Variants in CSMD3 observed in about 807,000 individuals in gnomAD.
The protein encoded by CSMD3 is CUB and sushi domain-containing protein 3.
A neutral mutation model predicts 435.2 loss-of-function variants in CSMD3; 177 were observed. The observed-to-expected ratio is 0.41, with a 90% confidence interval of 0.36 to 0.46. The LOEUF (loss-of-function observed/expected upper bound fraction) is 0.46, where lower values mean the gene tolerates loss of function less well. Among genes scored for constraint, CSMD3 ranks in the 20% least tolerant of loss-of-function variants. The pLI is 0.34. For synonymous variants in CSMD3, 1,656 were observed against 1,520.5 expected (o/e 1.09, Z -2.07); for missense variants, 4,265 against 4,504.6 (o/e 0.95, Z 1.52).
intron 22 of CSMD3, among the ~76,000 whole-genome samples, chr8:112,632,043 T>C (rs2074529452): frequency 6.6e-6 from 1 of 151,980 alleles, no homozygotes; most frequent in South Asian, 2.1e-4. Context: ...AATTTTAGTA[T>C]AGAGAGCTTG....
rs1823980614 is a variant in CSMD3, at chr8:112,330,867, T to A, written c.7165+4462A>T. Among the ~76,000 whole-genome samples the A allele has an allele frequency of 2.0e-5, 3 of 152,026 alleles. No individual in the cohort carries two copies. The South Asian group carries it at 6.2e-4, about 32-fold the overall frequency. ...TGGCACTTAATAAGAATACAATGAA[T>A]TTTAGCTGTTGTTATTGTTGTTTTG... On this transcript the variant is annotated intron_variant, in intron 45 of 70. Coordinates refer to ENST00000297405, the MANE Select transcript of CSMD3 (RefSeq NM_198123.2).
intron 22 of CSMD3, among the ~76,000 whole-genome samples, chr8:112,593,423 A>C (rs1831371809): frequency 6.6e-6 from 1 of 152,216 alleles, no homozygotes; most frequent in Non-Finnish European, 1.5e-5. Flanking sequence ...ATGTGGGGGC[A>C]TGAAAGAGAG....
chr8:112,974,553 T>A (rs538863412), intron 7 of CSMD3, among the ~76,000 whole-genome samples: 30 of 151,966 alleles, frequency 2.0e-4, no homozygotes, highest in Non-Finnish European at 3.8e-4. Flanking sequence ...CTTTATTGAG[T>A]AAATCACAAA....
chr8:112,448,379 C>T (rs574363738), intron 32 of CSMD3, among the ~76,000 whole-genome samples: 10 of 152,274 alleles, frequency 6.6e-5, no homozygotes, highest in Admixed American at 5.2e-4. Context: ...ACAATTCCCA[C>T]TCATAGCAGG....
intron 13 of CSMD3, among the ~76,000 whole-genome samples, chr8:112,756,957 C>T (rs1431742023): frequency 1.3e-5 from 2 of 151,824 alleles, no homozygotes; most frequent in African/African-American, 4.8e-5. Flanking sequence ...TTAGTAGAGA[C>T]GAGGTTTCAC....
intron 6 of CSMD3, among the ~76,000 whole-genome samples, chr8:113,017,025 A>C (rs1014565392): frequency 2.0e-5 from 3 of 151,996 alleles, no homozygotes; most frequent in Non-Finnish European, 2.9e-5. Context: ...TATTTTTATA[A>C]TAAAACTTTC....
At position 112,998,932 on chromosome 8, in the gene CSMD3, C is replaced by T. The variant is rs534419824; in HGVS notation, c.1030+20135G>A. Among the ~76,000 whole-genome samples, 10 of 152,112 alleles carry T rather than the reference C, an allele frequency of 6.6e-5. No homozygotes were observed. The East Asian group carries it at 1.7e-3, about 27-fold the overall frequency. On this transcript the variant is annotated intron_variant, in intron 6 of 70. Transcript: ENST00000297405. ...AAGTTTCCTGAGGCCTCCCCAGCCA[C>T]ACTTTCTGTACAGCCTGCAGAACCA...
At chr8:112,395,793 A>G (rs79399814) in intron 35 of CSMD3, among the ~76,000 whole-genome samples, 2,307 of 152,300 alleles carry the variant, frequency 0.015, 61 homozygotes, top group African/African-American at 0.053. Flanking sequence ...TGCATAGTTT[A>G]AGAAATGTGA....
rs2131803081 is a variant in CSMD3, at chr8:112,685,482, A to G, written c.2406T>C (p.Ser802=). 1 of 1,614,078 alleles carries G rather than the reference A, an allele frequency of 6.2e-7. No homozygotes were observed. The highest frequency in any genetic ancestry group is 8.5e-7 in the Non-Finnish European group (1 of 1,179,964). The change falls in exon 15 of 71, where the codon AGT becomes AGC. Residue 802 remains serine, a synonymous_variant. Coordinates refer to ENST00000297405, the MANE Select transcript of CSMD3 (RefSeq NM_198123.2). ...ATTCCAATCGCAGTATGTGACTATT[A>G]CTAGTAAGATGGGAAGGCACCTCAG... ...TGAEVPSHLT[S]NSHILRLEFQ... is the part of the protein sequence containing the mutation.
intron 28 of CSMD3, among the ~76,000 whole-genome samples, chr8:112,511,050 G>A (rs1287817432): frequency 1.3e-5 from 2 of 152,080 alleles, no homozygotes; most frequent in Non-Finnish European, 1.5e-5. Context: ...ACAGGCATAC[G>A]TTAGGGATAT....
chr8:112,234,940 T>C (rs1813431458), intron 67 of CSMD3, among the ~76,000 whole-genome samples: 1 of 152,180 alleles, frequency 6.6e-6, no homozygotes, highest in Admixed American at 6.5e-5. Flanking sequence ...TTCCTGTTTT[T>C]AATAATTTCC....
chr8:112,965,004 GA>G (rs2084365337), intron 7 of CSMD3, among the ~76,000 whole-genome samples: 1 of 152,034 alleles, frequency 6.6e-6, no homozygotes, highest in South Asian at 2.1e-4. Flanking sequence ...ATATGCTCTA[GA>G]AAACTACATG....
chr8:112,701,645 C>A (rs1375765430), intron 13 of CSMD3, among the ~76,000 whole-genome samples: 2 of 152,146 alleles, frequency 1.3e-5, no homozygotes, highest in Non-Finnish European at 2.9e-5. Context: ...CAAAGTTCCA[C>A]CCCTGCACAC....
At chr8:113,024,026 C>A (rs972010773) in intron 5 of CSMD3, among the ~76,000 whole-genome samples, 1 of 152,042 alleles carries the variant, frequency 6.6e-6, no homozygotes, top group East Asian at 1.9e-4. Flanking sequence ...ACTTATTCTG[C>A]CTTTCTAGCT....
intron 57 of CSMD3, among the ~76,000 whole-genome samples, chr8:112,288,379 T>C (rs1006762494): frequency 6.6e-6 from 1 of 152,050 alleles, no homozygotes; most frequent in Non-Finnish European, 1.5e-5. Flanking sequence ...ATCAATTTTA[T>C]AGTTACATTA....
At chr8:112,681,509 A>C (rs1232440214) in intron 16 of CSMD3, among the ~76,000 whole-genome samples, 1 of 152,160 alleles carries the variant, frequency 6.6e-6, no homozygotes, top group Non-Finnish European at 1.5e-5. Flanking sequence ...TTGATGTTTT[A>C]CTTTTAATTA....
chr8:112,359,545 T>C (rs1398792234), intron 38 of CSMD3, among the ~76,000 whole-genome samples: 3 of 152,128 alleles, frequency 2.0e-5, no homozygotes, highest in Non-Finnish European at 2.9e-5. Context: ...TCTTAATAAA[T>C]ATTAATGCCT....
chr8:112,267,311 G>A (rs1169391844), intron 59 of CSMD3, among the ~76,000 whole-genome samples: 1 of 151,962 alleles, frequency 6.6e-6, no homozygotes, highest in Non-Finnish European at 1.5e-5. Flanking sequence ...AAATTAAACT[G>A]TTTGAGTGTT....
At position 112,750,305 on chromosome 8, in the gene CSMD3, TTATAAG is replaced by T. The variant is rs1409234614; in HGVS notation, c.1972+49851_1972+49856del. On this transcript the variant is annotated intron_variant, in intron 13 of 70. Coordinates refer to ENST00000297405, the MANE Select transcript of CSMD3 (RefSeq NM_198123.2). Reference sequence around the variant, plus strand: ...AAAATGTATAATTTTATAACTAATTTTATAAGTATAATTCCATAATTATAATTTAAT... The same window carrying T: ...AAAATGTATAATTTTATAACTAATTTTATAATTCCATAATTATAATTTAAT... Among the ~76,000 whole-genome samples the T allele has an allele frequency of 1.3e-4, 19 of 151,584 alleles. 1 individual carries two copies. The highest frequency in any genetic ancestry group is 4.1e-4 in the African/African-American group (17 of 41,500).
Sources: gnomAD v4.1 joint callset for allele counts (sites outside exome capture counted in the v4.1 genomes callset) on GRCh38, gnomAD v4.1.1 for gene constraint, MANE v1.5 for transcripts, NCBI Gene and HGNC (gene_info 2026-07-23, HGNC 2026-07-21) for gene names.